NUAK1: variants seen among roughly 807,000 people sequenced by gnomAD.
The protein encoded by NUAK1 is NUAK family kinase 1.
In NUAK1, 26 loss-of-function variants were observed where a neutral mutation model predicts 56.9. The ratio of observed to expected loss-of-function variants is 0.46; its 90% CI spans 0.33 to 0.63. The LOEUF is 0.63. Ranked by LOEUF, NUAK1 falls within the 30% of genes least tolerant of loss-of-function variation. NUAK1 has a pLI of 0.02. For synonymous variants in NUAK1, 337 were observed against 336.0 expected (o/e 1.00, Z -0.03); for missense variants, 727 against 876.1 (o/e 0.83, Z 2.15).
chr12:106,066,624 A>G lies in NUAK1; in HGVS notation c.*178T>C. The stretch of plus-strand genomic sequence containing the variant: ...ACTGACAATTGACAGAACTGGCAGA[A>G]GAGCCCACCTCTCCCTTTTAGGTGT... On this transcript the variant is annotated 3_prime_UTR_variant, in exon 7 of 7. Transcript: ENST00000261402. 4.6e-6 allele frequency: 3 copies of G among 646,994 alleles called. No homozygotes were observed. The South Asian group carries it at 5.8e-5, about 12-fold the overall frequency. The allele number at this position is 646,994 out of a possible 1,614,324, so 40.1% of individuals were successfully genotyped here.
intron 1 of NUAK1, among the ~76,000 whole-genome samples, chr12:106,137,460 A>G (rs2033140569): frequency 6.6e-6 from 1 of 152,212 alleles, no homozygotes; most frequent in African/African-American, 2.4e-5. Flanking sequence ...CACACCACAC[A>G]AAATCTTTCT....
At chr12:106,086,011 T>A (rs1248055341) in intron 3 of NUAK1, among the ~76,000 whole-genome samples, 2 of 152,184 alleles carry the variant, frequency 1.3e-5, no homozygotes, top group Non-Finnish European at 2.9e-5. Flanking sequence ...GGCCATCTTC[T>A]GAGCACATCC....
At chr12:106,082,230 G>A (rs2032525285) in intron 4 of NUAK1, among the ~76,000 whole-genome samples, 1 of 152,174 alleles carries the variant, frequency 6.6e-6, no homozygotes, top group South Asian at 2.1e-4. Flanking sequence ...GCAGAGACAG[G>A]AACTGGCAAC....
intron 2 of NUAK1, among the ~76,000 whole-genome samples, chr12:106,096,431 G>A (rs1380856716): frequency 1.3e-5 from 2 of 152,156 alleles, no homozygotes; most frequent in Admixed American, 6.5e-5. Flanking sequence ...TGAAGCACTC[G>A]TTCACATGAT....
At chr12:106,082,055 G>T (rs986490346) in intron 4 of NUAK1, among the ~76,000 whole-genome samples, 12 of 152,334 alleles carry the variant, frequency 7.9e-5, no homozygotes, top group Admixed American at 7.8e-4. Context: ...CACTTAAGAA[G>T]GCTCCCAGTA....
chr12:106,122,977 G>A (rs535668144), intron 1 of NUAK1, among the ~76,000 whole-genome samples: 42 of 152,310 alleles, frequency 2.8e-4, no homozygotes, highest in Non-Finnish European at 5.1e-4. Flanking sequence ...CCAACCTGTA[G>A]TCCATGCTCG....
intron 1 of NUAK1, among the ~76,000 whole-genome samples, chr12:106,123,455 T>G (rs1167842209): frequency 6.6e-6 from 1 of 152,182 alleles, no homozygotes; most frequent in Non-Finnish European, 1.5e-5. Context: ...ATAATTAATT[T>G]TAACTTTAAT....
rs2032341868 is a variant in NUAK1, at chr12:106,066,653, C to T, written c.*149G>A. 2 of 712,922 alleles carry T rather than the reference C, an allele frequency of 2.8e-6. No homozygotes were observed. Among genetic ancestry groups the T allele is most frequent in the Non-Finnish European group, 2.4e-6 (1 of 417,350 alleles). 44.2% of individuals were successfully genotyped at this position (712,922 alleles called of 1,614,324 possible). A position where few individuals can be genotyped will look rare whatever the true frequency, so the allele number is the denominator to read the frequency against. On this transcript the variant is annotated 3_prime_UTR_variant, in exon 7 of 7. Coordinates refer to ENST00000261402, the MANE Select transcript of NUAK1 (RefSeq NM_014840.3). Reference sequence around the variant, plus strand: ...CCCACCTCTCCCTTTTAGGTGTTGGCTCAAGGCTGCAAACTTGGCCAAGTG... The same window carrying T: ...CCCACCTCTCCCTTTTAGGTGTTGGTTCAAGGCTGCAAACTTGGCCAAGTG...
chr12:106,119,000 T>C (rs184980455), intron 1 of NUAK1, among the ~76,000 whole-genome samples: 1 of 152,366 alleles, frequency 6.6e-6, no homozygotes, highest in Non-Finnish European at 1.5e-5. Context: ...CAAGTGTATT[T>C]CTGAGTCCAT....
At chr12:106,121,200 G>A (rs773259260) in intron 1 of NUAK1, among the ~76,000 whole-genome samples, 1 of 152,190 alleles carries the variant, frequency 6.6e-6, no homozygotes, top group Non-Finnish European at 1.5e-5. Context: ...CAGCCCTTCT[G>A]TCTGAGCATC....
chr12:106,121,227 A>T (rs976276476), intron 1 of NUAK1, among the ~76,000 whole-genome samples: 3 of 152,136 alleles, frequency 2.0e-5, no homozygotes, highest in Non-Finnish European at 2.9e-5. Context: ...TTTAACCCTA[A>T]AGTGAGGACG....
At chr12:106,116,823 C>T (rs1433829815) in intron 1 of NUAK1, among the ~76,000 whole-genome samples, 1 of 152,240 alleles carries the variant, frequency 6.6e-6, no homozygotes, top group Non-Finnish European at 1.5e-5. Context: ...TCTTCAAAAG[C>T]ACATCTATCA....
intron 3 of NUAK1, among the ~76,000 whole-genome samples, chr12:106,084,886 G>A (rs2032556389): frequency 6.6e-6 from 1 of 152,212 alleles, no homozygotes; most frequent in Admixed American, 6.5e-5. Context: ...ATCTGCAATC[G>A]AAGCTGCTCT....
Position 106,115,864 on chromosome 12 carries a change from A to G in NUAK1, c.241-9339T>C, listed in dbSNP as rs147377480. Among the ~76,000 whole-genome samples, 841 of 152,260 alleles carry G rather than the reference A, an allele frequency of 5.5e-3. 7 individuals carry two copies. The highest frequency in any genetic ancestry group is 9.5e-3 in the Non-Finnish European group (648 of 68,010). ...GGTCTGTGGTCATCTTGGAGACCCTAGTTGTGCCCTGGGTTGGGGAGTGTG... is the reference window on the plus strand; with the variant it reads ...GGTCTGTGGTCATCTTGGAGACCCTGGTTGTGCCCTGGGTTGGGGAGTGTG... On this transcript the variant is annotated intron_variant, in intron 1 of 6. Transcript: ENST00000261402.
chr12:106,104,500 G>T (rs376655632), intron 2 of NUAK1, among the ~76,000 whole-genome samples: 3 of 152,184 alleles, frequency 2.0e-5, no homozygotes, highest in African/African-American at 7.2e-5. Context: ...TAGACTAGTG[G>T]TTCTCAAATT....
chr12:106,126,425 TCAGA>T (rs2033024850), intron 1 of NUAK1, among the ~76,000 whole-genome samples: 1 of 152,218 alleles, frequency 6.6e-6, no homozygotes, highest in South Asian at 2.1e-4. Flanking sequence ...AATTTCGAGC[TCAGA>T]CAGACATGGG....
At chr12:106,129,558 T>C (rs1239557884) in intron 1 of NUAK1, among the ~76,000 whole-genome samples, 1 of 152,182 alleles carries the variant, frequency 6.6e-6, no homozygotes, top group African/African-American at 2.4e-5. Context: ...AAGGAAGTGG[T>C]GGTCTGAAGA....
intron 1 of NUAK1, among the ~76,000 whole-genome samples, chr12:106,125,685 T>C (rs1256715299): frequency 6.6e-6 from 1 of 152,198 alleles, no homozygotes; most frequent in Non-Finnish European, 1.5e-5. Context: ...CCACTTCATT[T>C]TTCTCCTCTC....
In NUAK1 at chr12:106,082,918, A is replaced by G. The variant is rs1376246191; in HGVS notation, c.579+946T>C. Among the ~76,000 whole-genome samples the G allele has an allele frequency of 5.3e-5, 8 of 152,328 alleles. No individual in the cohort carries two copies. In the East Asian group the frequency reaches 9.6e-4, roughly 18 times the overall value. On this transcript the variant is annotated intron_variant, in intron 4 of 6. Transcript: ENST00000261402. ...AAGCCACTAACGTCACCAGCGGCCA[A>G]TTGGAGGGCTCCTGCTGGTGCCGGG...
Sources: allele counts gnomAD v4.1 joint callset (sites outside exome capture counted in the v4.1 genomes callset), GRCh38; gene constraint gnomAD v4.1.1; transcripts MANE v1.5; gene names NCBI Gene and HGNC (gene_info 2026-07-23, HGNC 2026-07-21).